Variants in C1QTNF3 observed in about 807,000 individuals in gnomAD.
C1QTNF3 encodes the protein complement C1q tumor necrosis factor-related protein 3.
Under a neutral mutation model 32.6 loss-of-function variants are expected in C1QTNF3, and 26 were observed. The ratio of observed to expected loss-of-function variants is 0.80; its 90% CI spans 0.58 to 1.11. The LOEUF is 1.11. C1QTNF3 is among the 50% of genes least tolerant of loss of function. The probability of loss-of-function intolerance (pLI) is 0.00; values close to 1 mark genes in which losing one functional copy is unlikely to be tolerated. For synonymous variants in C1QTNF3, 155 were observed against 146.0 expected (o/e 1.06, Z -0.44); for missense variants, 362 against 398.2 (o/e 0.91, Z 0.77).
At chr5:34,026,491 A>G (rs2112101694) in intron 4 of C1QTNF3, among the ~76,000 whole-genome samples, 1 of 118,786 alleles carries the variant, frequency 8.4e-6, no homozygotes, top group East Asian at 2.6e-4. Flanking sequence ...AAAGAAAAGA[A>G]AGAAAAAAAA....
chr5:34,162,292 C>T, the C1QTNF3 span, among the ~76,000 whole-genome samples: 1 of 152,088 alleles, frequency 6.6e-6, no homozygotes, highest in Admixed American at 6.6e-5. Flanking sequence ...AGCAAGCTAG[C>T]AAGAATGGGC....
At chr5:34,073,693 G>A in the C1QTNF3 span, among the ~76,000 whole-genome samples, 1 of 152,086 alleles carries the variant, frequency 6.6e-6, no homozygotes, top group African/African-American at 2.4e-5. Context: ...CCTTCACAAT[G>A]TATTTTATTC....
the C1QTNF3 span, among the ~76,000 whole-genome samples, chr5:34,136,849 G>A: frequency 6.6e-6 from 1 of 152,216 alleles, no homozygotes; most frequent in Non-Finnish European, 1.5e-5. Flanking sequence ...GTCCTTTGCA[G>A]GGACATGGAT....
the C1QTNF3 span, among the ~76,000 whole-genome samples, chr5:34,103,194 TGTTTTGCTGG>T: frequency 6.7e-6 from 1 of 148,848 alleles, no homozygotes; most frequent in Non-Finnish European, 1.5e-5. Flanking sequence ...TCTATTCCTG[TGTTTTGCTGG>T]GTTTTGCTGT....
At chr5:34,120,430 A>G in the C1QTNF3 span, among the ~76,000 whole-genome samples, 1 of 152,156 alleles carries the variant, frequency 6.6e-6, no homozygotes, top group African/African-American at 2.4e-5. Flanking sequence ...AAAAAAGGCA[A>G]ATGGAAATTT....
chr5:34,128,761 T>C, the C1QTNF3 span, among the ~76,000 whole-genome samples: 1 of 152,200 alleles, frequency 6.6e-6, no homozygotes, highest in African/African-American at 2.4e-5. Context: ...TGTAACCCCA[T>C]TGTAACTAAT....
chr5:34,033,413 C>T lies in C1QTNF3; in HGVS notation c.461G>A (p.Gly154Glu). 6.2e-7 allele frequency: 1 copy of T among 1,614,182 alleles called. No individual in the cohort carries two copies. The highest frequency in any genetic ancestry group is 8.5e-7 in the Non-Finnish European group (1 of 1,180,032). The stretch of plus-strand genomic sequence containing the variant: ...TTTGTCGCCCTTCTCACCTTTGGCT[C>T]CTTCATGACCAGTGGCTCCATTGTT... Reference protein sequence around the residue: ...NGNNGATGHEGAKGEKGDKGD... With the variant: ...NGNNGATGHEEAKGEKGDKGD... Residue 154 changes from glycine (G) to glutamate (E), a missense_variant, in exon 3 of 6, where the codon GGA becomes GAA. Coordinates refer to ENST00000382065, the MANE Select transcript of C1QTNF3 (RefSeq NM_181435.6).
chr5:34,157,475 A>G, the C1QTNF3 span, among the ~76,000 whole-genome samples: 1 of 152,220 alleles, frequency 6.6e-6, no homozygotes, highest in Non-Finnish European at 1.5e-5. Context: ...TGTTGTCCCC[A>G]AAATATGTGA....
the C1QTNF3 span, among the ~76,000 whole-genome samples, chr5:34,146,897 C>T: frequency 2.1e-4 from 32 of 152,142 alleles, no homozygotes; most frequent in Non-Finnish European, 3.4e-4. Context: ...AGAAAATATT[C>T]GCAAATATAT....
the C1QTNF3 span, among the ~76,000 whole-genome samples, chr5:34,210,908 ATAATT>A: frequency 1.6e-4 from 25 of 152,250 alleles, no homozygotes; most frequent in Admixed American, 1.1e-3. Flanking sequence ...AATTTACTAT[ATAATT>A]TATTTGTGAA....
the C1QTNF3 span, among the ~76,000 whole-genome samples, chr5:34,229,969 A>T: frequency 3.9e-5 from 6 of 152,248 alleles, no homozygotes; most frequent in African/African-American, 1.4e-4. Context: ...CTCTCCATAA[A>T]CATGTATCCA....
the C1QTNF3 span, among the ~76,000 whole-genome samples, chr5:34,131,888 T>C: frequency 6.6e-6 from 1 of 152,128 alleles, no homozygotes; most frequent in South Asian, 2.1e-4. Context: ...CCCATAAATA[T>C]GTACAATTAT....
At chr5:34,207,113 TTTAA>T in the C1QTNF3 span, among the ~76,000 whole-genome samples, 1 of 152,072 alleles carries the variant, frequency 6.6e-6, no homozygotes, top group Non-Finnish European at 1.5e-5. Context: ...GCATCTTCCC[TTTAA>T]TTAACTGTGA....
the C1QTNF3 span, chr5:34,166,128 T>C: frequency 1.3e-5 from 2 of 151,644 alleles, no homozygotes. Flanking sequence ...TATAATATTT[T>C]CTATAATATT....
chr5:34,134,590 T>A, the C1QTNF3 span, among the ~76,000 whole-genome samples: 1 of 152,224 alleles, frequency 6.6e-6, no homozygotes, highest in Non-Finnish European at 1.5e-5. Context: ...GCTTAAGTAT[T>A]AAGCGAAGTA....
chr5:34,177,475 C>G, the C1QTNF3 span, among the ~76,000 whole-genome samples: 2 of 145,910 alleles, frequency 1.4e-5, no homozygotes, highest in Admixed American at 1.4e-4. Context: ...CACGACCATA[C>G]CCAACTTTTT....
the C1QTNF3 span, among the ~76,000 whole-genome samples, chr5:34,127,108 T>A: frequency 6.6e-6 from 1 of 152,298 alleles, no homozygotes; most frequent in Non-Finnish European, 1.5e-5. Context: ...AACTTTTTTT[T>A]ATAAGTTACC....
the C1QTNF3 span, among the ~76,000 whole-genome samples, chr5:34,216,058 T>C: frequency 6.6e-6 from 1 of 152,222 alleles, no homozygotes; most frequent in African/African-American, 2.4e-5. Context: ...TTCCATCTTC[T>C]CACTCTCATA....
At chr5:34,091,350 G>T in the C1QTNF3 span, among the ~76,000 whole-genome samples, 4 of 152,262 alleles carry the variant, frequency 2.6e-5, no homozygotes, top group East Asian at 5.8e-4. Flanking sequence ...CTTTATGTGG[G>T]AATGTGCTTT....
Sources: gnomAD v4.1 joint callset for allele counts (sites outside exome capture counted in the v4.1 genomes callset) on GRCh38, gnomAD v4.1.1 for gene constraint, MANE v1.5 for transcripts, NCBI Gene and HGNC (gene_info 2026-07-23, HGNC 2026-07-21) for gene names.